Variants in PPP6R2 observed in about 807,000 individuals in gnomAD.
PPP6R2 encodes protein phosphatase 6 regulatory subunit 2.
A neutral mutation model predicts 100.2 loss-of-function variants in PPP6R2; 62 were observed. That is an observed-to-expected ratio of 0.62 (90% CI 0.50 to 0.76). PPP6R2 has a LOEUF of 0.76. PPP6R2 is among the 30% of genes least tolerant of loss of function. The pLI is 0.00. For missense variants in PPP6R2, 1,142 were observed against 1,276.3 expected, an observed-to-expected ratio of 0.89 and a Z score of 1.60; for synonymous variants, 525 against 514.7, an observed-to-expected ratio of 1.02 and a Z score of -0.27.
rs2066590878 is a variant in PPP6R2 at position 50,444,420 on chromosome 22, G to A, written c.*173G>A. 6 of 820,912 alleles carry A rather than the reference G, an allele frequency of 7.3e-6. No homozygotes were observed. The highest frequency in any genetic ancestry group is 2.8e-5 in the East Asian group (1 of 35,860). 50.9% of individuals were successfully genotyped at this position (820,912 alleles called of 1,614,324 possible). A position where few individuals can be genotyped will look rare whatever the true frequency, so the allele number is the denominator to read the frequency against. On this transcript the variant is annotated 3_prime_UTR_variant, in exon 24 of 24. Transcript: ENST00000612753. Reference sequence around the variant, plus strand: ...GGACGGCCCAGCTTGCGTCTCTTCTGCCTGAGTGGGCCTCTCAGGTCACTC... The same window carrying A: ...GGACGGCCCAGCTTGCGTCTCTTCTACCTGAGTGGGCCTCTCAGGTCACTC...
At chr22:50,364,349 GA>G in intron 1 of PPP6R2, among the ~76,000 whole-genome samples, 1 of 152,104 alleles carries the variant, frequency 6.6e-6, no homozygotes, top group East Asian at 1.9e-4. Context: ...ATAAAATAAT[GA>G]AATTACGGAT....
rs537540145 is a variant in PPP6R2, at chr22:50,402,770, A to T, written c.228-3919A>T. ...ATTTCTATACCTTGTATACATTTTT[A>T]AAACTACTAGAGCAGCACCTGTCAT... On this transcript the variant is annotated intron_variant, in intron 3 of 23. Transcript: ENST00000612753. Among the ~76,000 whole-genome samples, 402 of 152,326 alleles carry T rather than the reference A, an allele frequency of 2.6e-3. 3 individuals are homozygous for T. The highest frequency in any genetic ancestry group is 4.1e-3 in the Non-Finnish European group (276 of 68,028).
chr22:50,383,902 G>T (rs1376666867), intron 2 of PPP6R2, among the ~76,000 whole-genome samples: 1 of 152,036 alleles, frequency 6.6e-6, no homozygotes, highest in Non-Finnish European at 1.5e-5. Context: ...CAGGCATGAT[G>T]GTGGATGCCT....
rs369806198 is a variant in PPP6R2, at chr22:50,440,874, C to G, written c.2427C>G (p.Pro809=). ...ACGTGTGTGTCACCAGGAAGGCCCC[C>G]CTGCTGGCCTCTGACAGTAGCTCCT... The part of the protein sequence containing the change: ...AWNVCVTRKA[P]LLASDSSSSG... The change falls in exon 22 of 24, where the codon CCC becomes CCG. Residue 809 remains proline (P), a synonymous_variant. Transcript: ENST00000612753. 3.8e-5 allele frequency: 61 copies of G among 1,613,788 alleles called. No individual in the cohort carries two copies. The highest frequency in any genetic ancestry group is 4.8e-5 in the Non-Finnish European group (57 of 1,180,018).
chr22:50,417,192 G>A lies in PPP6R2; in HGVS notation c.618+1035G>A, dbSNP rs563687602. Reference sequence around the variant, plus strand: ...CCAGCTCCATGGTCACAGATGGCTTGGCAGCATCCAGTTCCTCAGGGCTGT... The same window carrying A: ...CCAGCTCCATGGTCACAGATGGCTTAGCAGCATCCAGTTCCTCAGGGCTGT... On this transcript the variant is annotated intron_variant, in intron 6 of 23. Transcript: ENST00000612753. Among the ~76,000 whole-genome samples, 3 of 152,218 alleles carry A rather than the reference G, an allele frequency of 2.0e-5. No individual in the cohort carries two copies. In the East Asian group the frequency reaches 5.8e-4, roughly 29 times the overall value.
chr22:50,396,267 C>G (rs190110416), intron 3 of PPP6R2, among the ~76,000 whole-genome samples: 1 of 145,602 alleles, frequency 6.9e-6, no homozygotes, highest in Non-Finnish European at 1.5e-5. Context: ...GAGGCCAAGG[C>G]GGGCAGATCA....
chr22:50,386,357 T>A (rs2054259429), intron 2 of PPP6R2, among the ~76,000 whole-genome samples: 1 of 152,050 alleles, frequency 6.6e-6, no homozygotes, highest in East Asian at 1.9e-4. Flanking sequence ...GCCAGGCTGG[T>A]CTCAAACTCC....
intron 2 of PPP6R2, among the ~76,000 whole-genome samples, chr22:50,383,869 T>C (rs2053625777): frequency 6.6e-6 from 1 of 151,922 alleles, no homozygotes; most frequent in Admixed American, 6.6e-5. Flanking sequence ...AAATCCTGTT[T>C]CTACTAAAAT....
chr22:50,354,475 T>C (rs554796409), intron 1 of PPP6R2, among the ~76,000 whole-genome samples: 1 of 152,230 alleles, frequency 6.6e-6, no homozygotes, highest in African/African-American at 2.4e-5. Flanking sequence ...ATTGGAGTGC[T>C]TTTTTTATTT....
upstream of PPP6R2, among the ~76,000 whole-genome samples, chr22:50,338,437 TAG>T (rs1208765883): frequency 7.3e-6 from 1 of 136,072 alleles, no homozygotes; most frequent in Non-Finnish European, 1.6e-5. Flanking sequence ...GTGGTGTGTG[TAG>T]AGTGTGTGGT....
chr22:50,383,730 ATTAAC>A (rs2053592707), intron 2 of PPP6R2, among the ~76,000 whole-genome samples: 1 of 152,122 alleles, frequency 6.6e-6, no homozygotes, highest in African/African-American at 2.4e-5. Context: ...GTGCTAAAAA[ATTAAC>A]TTAAAAAGGA....
chr22:50,441,344 G>GC (rs2065565618), intron 22 of PPP6R2, among the ~76,000 whole-genome samples: 1 of 152,204 alleles, frequency 6.6e-6, no homozygotes, highest in African/African-American at 2.4e-5. Context: ...TGGGGGAGCA[G>GC]CCCCTACCCC....
At chr22:50,426,845 A>AC (rs1333753632) in intron 10 of PPP6R2, among the ~76,000 whole-genome samples, 5 of 149,408 alleles carry the variant, frequency 3.3e-5, no homozygotes, top group South Asian at 2.1e-4. Flanking sequence ...AAAAAAAAAA[A>AC]AAAAAACACC....
intron 1 of PPP6R2, among the ~76,000 whole-genome samples, chr22:50,349,686 G>A (rs142944095): frequency 1.1e-4 from 17 of 151,642 alleles, no homozygotes; most frequent in African/African-American, 4.1e-4. Flanking sequence ...AATTAGCCAG[G>A]CGTGGTGGCA....
chr22:50,376,884 G>A (rs958240442), intron 2 of PPP6R2, among the ~76,000 whole-genome samples: 12 of 152,142 alleles, frequency 7.9e-5, no homozygotes, highest in East Asian at 1.9e-4. Flanking sequence ...AAAATTAGCC[G>A]GGCGCGGTGG....
chr22:50,419,560 A>G, intron 8 of PPP6R2, 98 bp downstream of exon 8: 1 of 840,052 alleles, frequency 1.2e-6, no homozygotes, highest in Non-Finnish European at 1.9e-6. Context: ...TTGTGGTTTT[A>G]ATTTTTGATT....
intron 10 of PPP6R2, among the ~76,000 whole-genome samples, chr22:50,429,986 C>G (rs961598919): frequency 3.2e-4 from 49 of 152,012 alleles, no homozygotes; most frequent in Non-Finnish European, 6.2e-4. Flanking sequence ...AAGCTCGAAT[C>G]CTGGTGTGGA....
At chr22:50,386,994 G>A (rs1410441099) in intron 2 of PPP6R2, among the ~76,000 whole-genome samples, 1 of 152,104 alleles carries the variant, frequency 6.6e-6, no homozygotes, top group Admixed American at 6.6e-5. Flanking sequence ...CTGCTCTTCC[G>A]CGGTACCTTA....
At chr22:50,434,614 G>T (rs944366533) in intron 12 of PPP6R2, among the ~76,000 whole-genome samples, 1 of 101,924 alleles carries the variant, frequency 9.8e-6, no homozygotes, top group Non-Finnish European at 1.9e-5. Context: ...CTGGGCAGGG[G>T]CCGGGCATTT....
Sources: allele counts gnomAD v4.1 joint callset (sites outside exome capture counted in the v4.1 genomes callset), GRCh38; gene constraint gnomAD v4.1.1; transcripts MANE v1.5; gene names NCBI Gene and HGNC (gene_info 2026-07-23, HGNC 2026-07-21).